The following EPB41L4A variants were observed in gnomAD, a reference collection of about 807,000 sequenced individuals.
The protein encoded by EPB41L4A is band 4.1-like protein 4A.
Under a neutral mutation model 108.6 loss-of-function variants are expected in EPB41L4A, and 100 were observed. That is an observed-to-expected ratio of 0.92 (90% CI 0.78 to 1.09). The LOEUF (loss-of-function observed/expected upper bound fraction) is 1.09. Among genes scored for constraint, EPB41L4A ranks in the 50% least tolerant of loss-of-function variants. The pLI is 0.00. For missense variants in EPB41L4A, 1,030 were observed against 842.7 expected (o/e 1.22, Z -2.75); for synonymous variants, 319 against 289.0 (o/e 1.10, Z -1.05).
intron 15 of EPB41L4A, among the ~76,000 whole-genome samples, chr5:112,201,733 A>G (rs1762230521): frequency 6.6e-6 from 1 of 152,228 alleles, no homozygotes; most frequent in Non-Finnish European, 1.5e-5. Context: ...TTTGGTTTTA[A>G]GTATTGTCCA....
chr5:112,339,483 T>G (rs7446590), intron 1 of EPB41L4A, among the ~76,000 whole-genome samples: 2,961 of 36,122 alleles, frequency 0.082, 124 homozygotes, highest in African/African-American at 0.25. Context: ...TCTATATATA[T>G]ATATATATAT....
chr5:112,185,317 C>T (rs1016179486), intron 17 of EPB41L4A, among the ~76,000 whole-genome samples: 2 of 152,214 alleles, frequency 1.3e-5, no homozygotes, highest in African/African-American at 4.8e-5. Flanking sequence ...CTTCTCTGAA[C>T]AGATGTCTTT....
At chr5:112,173,984 T>C (rs1760736898) in intron 18 of EPB41L4A, among the ~76,000 whole-genome samples, 1 of 152,198 alleles carries the variant, frequency 6.6e-6, no homozygotes, top group South Asian at 2.1e-4. Context: ...TCAGACCTTC[T>C]AGCCATTAAC....
intron 1 of EPB41L4A, among the ~76,000 whole-genome samples, chr5:112,365,164 A>C (rs1228887284): frequency 1.3e-5 from 2 of 152,156 alleles, no homozygotes; most frequent in Non-Finnish European, 2.9e-5. Flanking sequence ...CTGAATTATA[A>C]AGATTATAGC....
Position 112,166,050 on chromosome 5 carries a change from A to G in EPB41L4A, c.1933-932T>C, listed in dbSNP as rs73787786. On this transcript the variant is annotated intron_variant, in intron 22 of 22. Transcript: ENST00000261486. ...GAGAATACAGCAGAAGAATTACCAG[A>G]AAAAAAGTGCTAGGAGAGGACCTGA... Among the ~76,000 whole-genome samples, 1,189 of 152,324 alleles carry G rather than the reference A, an allele frequency of 7.8e-3. 15 individuals are homozygous for G. Among genetic ancestry groups the G allele is most frequent in the African/African-American group, 0.027 (1,106 of 41,574 alleles).
intron 1 of EPB41L4A, among the ~76,000 whole-genome samples, chr5:112,358,407 A>C (rs544554107): frequency 6.6e-6 from 1 of 152,352 alleles, no homozygotes; most frequent in East Asian, 1.9e-4. Context: ...AATTTCACAA[A>C]GACTGTAACT....
chr5:112,335,313 C>A (rs914629606), intron 1 of EPB41L4A, among the ~76,000 whole-genome samples: 1 of 152,104 alleles, frequency 6.6e-6, no homozygotes, highest in Non-Finnish European at 1.5e-5. Flanking sequence ...AGTCAGACAC[C>A]TTTTAAGCCT....
rs893469790 is a variant in EPB41L4A at position 112,234,513 on chromosome 5, T to G, written c.1087+121A>C. 131 of 921,012 alleles carry G rather than the reference T, an allele frequency of 1.4e-4. No homozygotes were observed. The African/African-American group carries it at 2.1e-3, about 15-fold the overall frequency. 57.1% of individuals were successfully genotyped at this position (921,012 alleles called of 1,614,324 possible). ...TTAAAATTTCTAATATTAGAAAATTTTAATATTGGAAATTTCAATAGAAAG... is the reference window on the plus strand; with the variant it reads ...TTAAAATTTCTAATATTAGAAAATTGTAATATTGGAAATTTCAATAGAAAG... On this transcript the variant is annotated intron_variant, in intron 12 of 22. Coordinates refer to ENST00000261486, the MANE Select transcript of EPB41L4A (RefSeq NM_022140.5).
chr5:112,370,630 C>T (rs559456222), intron 1 of EPB41L4A, among the ~76,000 whole-genome samples: 12 of 152,224 alleles, frequency 7.9e-5, no homozygotes, highest in East Asian at 7.7e-4. Context: ...AAGTAAGTAA[C>T]GAGGCCGGAC....
intron 2 of EPB41L4A, among the ~76,000 whole-genome samples, chr5:112,303,711 C>T (rs561115242): frequency 1.2e-4 from 19 of 152,208 alleles, no homozygotes; most frequent in Admixed American, 2.6e-4. Flanking sequence ...TAGCAACTGG[C>T]AAGGCAGGGC....
intron 1 of EPB41L4A, among the ~76,000 whole-genome samples, chr5:112,346,758 A>C (rs1285717619): frequency 6.6e-6 from 1 of 152,240 alleles, no homozygotes; most frequent in African/African-American, 2.4e-5. Context: ...AAAATAACTA[A>C]AACTAGGCTT....
At position 112,336,356 on chromosome 5, in the gene EPB41L4A, G is replaced by C. The variant is rs151072278; in HGVS notation, c.100-28866C>G. On this transcript the variant is annotated intron_variant, in intron 1 of 22. Transcript: ENST00000261486. ...TAGGTGGAGTAAGGCGCTTTCCTCT[G>C]CATGTCACTGGTTGGGGGCGGGAGT... Among the ~76,000 whole-genome samples the C allele has an allele frequency of 2.5e-3, 380 of 152,264 alleles. 3 individuals carry two copies. Among genetic ancestry groups the C allele is most frequent in the African/African-American group, 8.6e-3 (356 of 41,536 alleles).
chr5:112,376,451 C>G (rs1017882076), intron 1 of EPB41L4A, among the ~76,000 whole-genome samples: 1 of 152,184 alleles, frequency 6.6e-6, no homozygotes, highest in African/African-American at 2.4e-5. Flanking sequence ...AATGGTATCG[C>G]CACTTTGGAA....
intron 1 of EPB41L4A, among the ~76,000 whole-genome samples, chr5:112,382,024 T>G (rs1760207429): frequency 6.6e-6 from 1 of 152,234 alleles, no homozygotes; most frequent in African/African-American, 2.4e-5. Context: ...ATGGAAGTAT[T>G]TTTTCATTTT....
chr5:112,354,599 A>G (rs765031590), intron 1 of EPB41L4A, among the ~76,000 whole-genome samples: 5 of 152,236 alleles, frequency 3.3e-5, no homozygotes, highest in Non-Finnish European at 5.9e-5. Context: ...AAAATTTAAC[A>G]TAAGTTATCA....
chr5:112,364,058 C>T (rs937913367), intron 1 of EPB41L4A, among the ~76,000 whole-genome samples: 4 of 152,178 alleles, frequency 2.6e-5, no homozygotes, highest in East Asian at 3.9e-4. Flanking sequence ...GACGGAGTCT[C>T]GCTCTGTTGC....
At chr5:112,268,641 A>T (rs1399564396) in intron 4 of EPB41L4A, among the ~76,000 whole-genome samples, 1 of 151,916 alleles carries the variant, frequency 6.6e-6, no homozygotes, top group African/African-American at 2.4e-5. Context: ...CTTGAGGCCA[A>T]GAGTTTGAGA....
intron 1 of EPB41L4A, among the ~76,000 whole-genome samples, chr5:112,318,525 C>A (rs1486332577): frequency 6.6e-6 from 1 of 152,154 alleles, no homozygotes; most frequent in East Asian, 1.9e-4. Context: ...AGGCATCAGG[C>A]CTGTGAATGA....
intron 1 of EPB41L4A, among the ~76,000 whole-genome samples, chr5:112,338,399 C>T (rs1289525390): frequency 6.6e-6 from 1 of 152,100 alleles, no homozygotes; most frequent in East Asian, 1.9e-4. Flanking sequence ...GACTGCCTGC[C>T]CACCTGCTCC....
Sources: allele counts gnomAD v4.1 joint callset (sites outside exome capture counted in the v4.1 genomes callset), GRCh38; gene constraint gnomAD v4.1.1; transcripts MANE v1.5; gene names NCBI Gene and HGNC (gene_info 2026-07-23, HGNC 2026-07-21).